RIC1: variants seen among roughly 807,000 people sequenced by gnomAD.
RIC1 encodes guanine nucleotide exchange factor subunit RIC1.
A neutral mutation model predicts 169.0 loss-of-function variants in RIC1; 88 were observed. That is an observed-to-expected ratio of 0.52 (90% CI 0.44 to 0.62). The LOEUF (loss-of-function observed/expected upper bound fraction) is 0.62. Ranked by LOEUF, RIC1 falls within the 20% of genes least tolerant of loss-of-function variation. The pLI, the probability that RIC1 is intolerant of heterozygous loss-of-function variation, is 0.00. For missense variants in RIC1, 1,877 were observed against 1,725.5 expected, an observed-to-expected ratio of 1.09 and a Z score of -1.56; for synonymous variants, 790 against 601.5, an observed-to-expected ratio of 1.31 and a Z score of -4.59.
At chr9:5,751,201 G>C (rs1825702874) in intron 12 of RIC1, among the ~76,000 whole-genome samples, 2 of 151,768 alleles carry the variant, frequency 1.3e-5, no homozygotes, top group African/African-American at 2.4e-5. Flanking sequence ...TTAGTGCAAT[G>C]GATGATTGAC....
At chr9:5,734,236 A>C (rs1824555942) in intron 7 of RIC1, among the ~76,000 whole-genome samples, 1 of 151,660 alleles carries the variant, frequency 6.6e-6, no homozygotes, top group Non-Finnish European at 1.5e-5. Flanking sequence ...CATCCTGAGT[A>C]GCTCGGATTG....
At chr9:5,653,261 G>T (rs1818907746) in intron 1 of RIC1, among the ~76,000 whole-genome samples, 1 of 151,968 alleles carries the variant, frequency 6.6e-6, no homozygotes, top group South Asian at 2.1e-4. Context: ...TCTATTTCTG[G>T]GCTCTCTATT....
Position 5,774,393 on chromosome 9 carries a change from T to A in RIC1, c.*147T>A. 1.6e-6 allele frequency: 1 copy of A among 619,926 alleles called. No individual in the cohort carries two copies. The highest frequency in any genetic ancestry group is 2.5e-6 in the Non-Finnish European group (1 of 395,398). The allele number at this position is 619,926 out of a possible 1,614,324, so 38.4% of individuals were successfully genotyped here. ...GTAGATTTTAACTAATTCTTTCTTGTCTAAGAAATCTTTTTGACTCCATAA... is the reference window on the plus strand; with the variant it reads ...GTAGATTTTAACTAATTCTTTCTTGACTAAGAAATCTTTTTGACTCCATAA... On this transcript the variant is annotated 3_prime_UTR_variant, in exon 26 of 26. Coordinates refer to ENST00000414202, the MANE Select transcript of RIC1 (RefSeq NM_020829.4).
chr9:5,651,199 C>T (rs891849689), intron 1 of RIC1, among the ~76,000 whole-genome samples: 4 of 152,216 alleles, frequency 2.6e-5, no homozygotes, highest in African/African-American at 4.8e-5. Flanking sequence ...CTTTCCCCCA[C>T]ACTGGAGATC....
chr9:5,653,922 G>A (rs916682965), intron 1 of RIC1, among the ~76,000 whole-genome samples: 1 of 151,970 alleles, frequency 6.6e-6, no homozygotes, highest in Non-Finnish European at 1.5e-5. Context: ...GCTCTTCTTT[G>A]GTATCTTTCA....
intron 1 of RIC1, among the ~76,000 whole-genome samples, chr9:5,652,695 T>C (rs1174683918): frequency 7.1e-6 from 1 of 140,130 alleles, no homozygotes; most frequent in Non-Finnish European, 1.5e-5. Context: ...CTTTTTATTC[T>C]TTTTTTTTTC....
At chr9:5,758,635 A>T (rs1489511138) in intron 17 of RIC1, among the ~76,000 whole-genome samples, 1 of 150,002 alleles carries the variant, frequency 6.7e-6, no homozygotes, top group African/African-American at 2.5e-5. Flanking sequence ...CCTCTCTGTC[A>T]TCTTATCTGC....
intron 6 of RIC1, among the ~76,000 whole-genome samples, chr9:5,722,348 A>AGAGAGAGAGAGAGTGT (rs374028302): frequency 3.0e-5 from 4 of 131,298 alleles, no homozygotes; most frequent in South Asian, 5.3e-4. Flanking sequence ...AGAGAGAGAG[A>AGAGAGAGAGAGAGTGT]GTGTGTGTGT....
chr9:5,677,550 G>C (rs902715440), intron 2 of RIC1, among the ~76,000 whole-genome samples: 3 of 150,560 alleles, frequency 2.0e-5, no homozygotes, highest in African/African-American at 7.5e-5. Context: ...TGATCTATTT[G>C]TATATATTTA....
Position 5,702,962 on chromosome 9 carries a change from G to T in RIC1, c.333-10934G>T, listed in dbSNP as rs139567907. On this transcript the variant is annotated intron_variant, in intron 3 of 25. Coordinates refer to ENST00000414202, the MANE Select transcript of RIC1 (RefSeq NM_020829.4). ...CCTCCCACCAGGCCCCACCTCCAAC[G>T]TTGGGGATTACAATTTGACATAAGA... Among the ~76,000 whole-genome samples, 3 of 152,230 alleles carry T rather than the reference G, an allele frequency of 2.0e-5. No homozygotes were observed. The South Asian group carries it at 6.2e-4, about 32-fold the overall frequency.
intron 2 of RIC1, 118 bp from the exon 3 acceptor site, chr9:5,689,841 C>T: frequency 3.2e-6 from 2 of 621,544 alleles, no homozygotes; most frequent in Non-Finnish European, 5.4e-6. Context: ...TATAATTCTC[C>T]AAGGGAGGGT....
chr9:5,650,511 G>A (rs1818746563), intron 1 of RIC1, among the ~76,000 whole-genome samples: 5 of 152,032 alleles, frequency 3.3e-5, no homozygotes, highest in Non-Finnish European at 1.5e-5. Flanking sequence ...GCTACTAGAG[G>A]GGATAGGGTT....
Position 5,711,860 on chromosome 9 carries a change from A to G in RIC1, c.333-2036A>G, listed in dbSNP as rs147719642. ...TTGTCCTTGCGACAGTTTGCTGAGAATGATGGTTTCCAGCTTCATCTATGT... is the reference window on the plus strand; with the variant it reads ...TTGTCCTTGCGACAGTTTGCTGAGAGTGATGGTTTCCAGCTTCATCTATGT... On this transcript the variant is annotated intron_variant, in intron 3 of 25. Transcript: ENST00000414202. Among the ~76,000 whole-genome samples, 1,459 of 152,236 alleles carry G rather than the reference A, an allele frequency of 9.6e-3. 31 individuals are homozygous for G. Among genetic ancestry groups the G allele is most frequent in the African/African-American group, 0.034 (1,398 of 41,522 alleles).
intron 2 of RIC1, among the ~76,000 whole-genome samples, chr9:5,679,981 C>G (rs1210762076): frequency 1.3e-5 from 2 of 152,154 alleles, no homozygotes; most frequent in Non-Finnish European, 2.9e-5. Flanking sequence ...GTGGGTTTGT[C>G]ATAGATAGCT....
intron 7 of RIC1, among the ~76,000 whole-genome samples, chr9:5,737,209 C>T (rs10975267): frequency 0.53 from 80,908 of 151,830 alleles, 22,354 homozygotes; most frequent in East Asian, 0.85. Flanking sequence ...CTGTTATCCT[C>T]GTAGTTCAAT....
chr9:5,634,907 G>T (rs1387565175), intron 1 of RIC1, among the ~76,000 whole-genome samples: 2 of 152,032 alleles, frequency 1.3e-5, no homozygotes, highest in Admixed American at 1.3e-4. Flanking sequence ...TAGTAGATCT[G>T]TGTATTTGTG....
intron 2 of RIC1, among the ~76,000 whole-genome samples, chr9:5,676,672 T>A (rs370552504): frequency 6.6e-6 from 1 of 152,206 alleles, no homozygotes; most frequent in East Asian, 1.9e-4. Flanking sequence ...ACTTTTTTAA[T>A]GGGGTTTAAA....
chr9:5,737,210 G>T (rs541662295), intron 7 of RIC1, among the ~76,000 whole-genome samples: 1 of 151,896 alleles, frequency 6.6e-6, no homozygotes, highest in South Asian at 2.1e-4. Flanking sequence ...TGTTATCCTC[G>T]TAGTTCAATT....
chr9:5,750,138 G>A (rs1825636892), intron 12 of RIC1, among the ~76,000 whole-genome samples: 1 of 151,766 alleles, frequency 6.6e-6, no homozygotes, highest in Non-Finnish European at 1.5e-5. Flanking sequence ...TTACCTATAA[G>A]TTTTAAAACT....
Sources: allele counts gnomAD v4.1 joint callset (sites outside exome capture counted in the v4.1 genomes callset), GRCh38; gene constraint gnomAD v4.1.1; transcripts MANE v1.5; gene names NCBI Gene and HGNC (gene_info 2026-07-23, HGNC 2026-07-21).